CDH23: variants seen among roughly 807,000 people sequenced by gnomAD.
CDH23 encodes the protein cadherin-23.
In CDH23, 189 loss-of-function variants were observed where a neutral mutation model predicts 317.1. The observed-to-expected ratio is 0.60, with a 90% CI of 0.53 to 0.67. CDH23 has a LOEUF of 0.67. Ranked by LOEUF, CDH23 falls within the 30% of genes least tolerant of loss-of-function variation. The probability of loss-of-function intolerance (pLI) is 0.00; values close to 1 mark genes in which losing one functional copy is unlikely to be tolerated. For missense variants in CDH23, 4,401 were observed against 4,592.4 expected (o/e 0.96, Z 1.20); for synonymous variants, 1,839 against 1,876.8 (o/e 0.98, Z 0.52).
intron 38 of CDH23, among the ~76,000 whole-genome samples, chr10:71,757,417 G>C (rs1344118639): frequency 6.6e-6 from 1 of 152,212 alleles, no homozygotes; most frequent in Non-Finnish European, 1.5e-5. Flanking sequence ...CTGGGGCAGA[G>C]GGGCGCAGAG....
intron 44 of CDH23, 50 bp downstream of exon 44, chr10:71,785,788 GGA>G (rs1229858939): frequency 3.5e-6 from 4 of 1,155,952 alleles, no homozygotes; most frequent in East Asian, 2.5e-5. Context: ...AGAGGCGCAT[GGA>G]GAGAGAACAC....
At chr10:71,686,159 G>A (rs1044765559) in intron 18 of CDH23, among the ~76,000 whole-genome samples, 1 of 152,096 alleles carries the variant, frequency 6.6e-6, no homozygotes, top group Admixed American at 6.5e-5. Flanking sequence ...AGAACTAATA[G>A]CGAATGCAGC....
At chr10:71,794,491 A>G (rs997405266) in intron 48 of CDH23, 1 of 152,242 alleles carries the variant, frequency 6.6e-6, no homozygotes, top group Non-Finnish European at 1.5e-5. Context: ...TGATGGTTTT[A>G]TCATTTTCCC....
At position 71,810,490 on chromosome 10, in the gene CDH23, G is replaced by A; in HGVS notation, c.8998G>A (p.Gly3000Ser). Residue 3000 changes from glycine to serine, a missense_variant, in exon 62 of 70, where the codon GGC (glycine) becomes AGC (serine). Gly to Ser is a moderately conservative substitution (Grantham distance 56, BLOSUM62 0). This residue lies in a region of CDH23 where 1,144 missense variants were observed against 1,138.2 expected (regional missense o/e 1.01). Coordinates refer to ENST00000224721, the MANE Select transcript of CDH23 (RefSeq NM_022124.6). ...CATCTAGTTCCATGTGGACAAGAAG[G>A]GCCGGGTGAACTTTGCGCAGACAGA... ...DNVQFHVDKK[G>S]RVNFAQTELL... 6.2e-7 allele frequency: 1 copy of A among 1,614,006 alleles called. No homozygotes were observed. Among genetic ancestry groups the A allele is most frequent in the South Asian group, 1.1e-5 (1 of 91,084 alleles).
At chr10:71,661,389 T>C (rs922120857) in intron 14 of CDH23, among the ~76,000 whole-genome samples, 67 of 152,160 alleles carry the variant, frequency 4.4e-4, no homozygotes, top group Non-Finnish European at 1.8e-4. Context: ...AGTCAGAAGA[T>C]TCAGGTGTTT....
chr10:71,598,397 CA>C, intron 9 of CDH23, among the ~76,000 whole-genome samples: 1 of 152,362 alleles, frequency 6.6e-6, no homozygotes, highest in South Asian at 2.1e-4. Context: ...GCAAACACCC[CA>C]AGTGACGCCA....
intron 9 of CDH23, among the ~76,000 whole-genome samples, chr10:71,608,719 C>T (rs1024911467): frequency 2.0e-4 from 31 of 152,238 alleles, no homozygotes; most frequent in Admixed American, 1.6e-3. Flanking sequence ...AAGCGCACTG[C>T]ACAGGGCAGC....
chr10:71,462,867 C>T (rs1187621925), intron 3 of CDH23, among the ~76,000 whole-genome samples: 1 of 152,342 alleles, frequency 6.6e-6, no homozygotes, highest in East Asian at 1.9e-4. Flanking sequence ...ACTCAATCTT[C>T]AGACACAGGC....
At chr10:71,557,444 G>C (rs911025341) in intron 6 of CDH23, among the ~76,000 whole-genome samples, 2 of 152,108 alleles carry the variant, frequency 1.3e-5, no homozygotes, top group Non-Finnish European at 2.9e-5. Context: ...ATGTGGGGTG[G>C]GCATTGGAGA....
intron 11 of CDH23, among the ~76,000 whole-genome samples, chr10:71,634,398 C>G (rs1008277412): frequency 6.6e-6 from 1 of 152,234 alleles, no homozygotes; most frequent in Admixed American, 6.5e-5. Flanking sequence ...CCAACCCCAG[C>G]CAAAAGTTGG....
At chr10:71,421,643 AT>A (rs1848823112) in intron 1 of CDH23, among the ~76,000 whole-genome samples, 1 of 152,192 alleles carries the variant, frequency 6.6e-6, no homozygotes. Context: ...GCAATTTGTT[AT>A]TTTTAAAAAT....
intron 6 of CDH23, among the ~76,000 whole-genome samples, chr10:71,518,949 G>A (rs570489933): frequency 2.6e-5 from 4 of 152,226 alleles, no homozygotes; most frequent in Non-Finnish European, 5.9e-5. Context: ...GCGTGGCCAA[G>A]GCTGTGGGCG....
rs991671179 is a variant in CDH23, at chr10:71,397,489, C to T, written c.-6+171C>T. Among the ~76,000 whole-genome samples the T allele has an allele frequency of 6.6e-6, 1 of 151,686 alleles. No homozygotes were observed. The highest frequency in any genetic ancestry group is 1.5e-5 in the Non-Finnish European group (1 of 67,858). ...TCGCGGCATCCTTCGGTCCCAGGCC[C>T]CTGGCCCTAGCCTCGCGCCCCGCTC... On this transcript the variant is annotated intron_variant, in intron 1 of 69. Coordinates refer to ENST00000224721, the MANE Select transcript of CDH23 (RefSeq NM_022124.6). This position sits in a 1 kb window ranked among gnomAD's most constrained non-coding sequence, Gnocchi z 4.8.
rs1850170000 is a variant in CDH23, at chr10:71,446,401, T to TG, written c.145+11dup. On this transcript the variant is annotated splice_region_variant and intron_variant, in intron 3 of 69. Coordinates refer to ENST00000224721, the MANE Select transcript of CDH23 (RefSeq NM_022124.6). ...CAGCGAGGACACGCCTGTGGGTGAG[T>TG]GGGGGCATGGGCTGGTGGGCGTGCA... 6.2e-7 allele frequency: 1 copy of TG among 1,613,594 alleles called. No homozygotes were observed. Among genetic ancestry groups the TG allele is most frequent in the Admixed American group, 1.7e-5 (1 of 59,984 alleles).
At chr10:71,484,787 G>C (rs555813295) in intron 3 of CDH23, among the ~76,000 whole-genome samples, 2 of 152,290 alleles carry the variant, frequency 1.3e-5, no homozygotes, top group South Asian at 2.1e-4. Context: ...TTGAGTTAAG[G>C]ATGTTCCCTT....
At chr10:71,674,974 AC>A in intron 14 of CDH23, 137 bp from the exon 15 acceptor site, 1 of 746,220 alleles carries the variant, frequency 1.3e-6, no homozygotes, top group Non-Finnish European at 2.3e-6. Flanking sequence ...GCAGGCTTTC[AC>A]CAGGCCTCAC....
Position 71,815,043 on chromosome 10 carries a change from A to G in CDH23, c.9830A>G (p.Lys3277Arg). The change falls in exon 70 of 70, where the codon AAG becomes AGG. Residue 3277 changes from lysine (K) to arginine (R), a missense_variant. By Grantham distance (26) the Lys-to-Arg change is conservative. Coordinates refer to ENST00000224721, the MANE Select transcript of CDH23 (RefSeq NM_022124.6). The part of the protein sequence containing the change: ...RFRHKPPVEL[K>R]GPDGIHVVHG... ...CGCCACAAGCCACCAGTGGAGCTCA[A>G]GGGGCCCGATGGGATCCATGTGGTG... is the stretch of plus-strand genomic sequence containing the variant. 1 of 1,612,626 alleles carries G rather than the reference A, an allele frequency of 6.2e-7. No individual in the cohort carries two copies. Among genetic ancestry groups the G allele is most frequent in the Non-Finnish European group, 8.5e-7 (1 of 1,179,698 alleles).
chr10:71,763,723 G>A (rs1480479765), intron 38 of CDH23, among the ~76,000 whole-genome samples: 2 of 152,236 alleles, frequency 1.3e-5, no homozygotes, highest in Non-Finnish European at 2.9e-5. Context: ...CACATGAAGT[G>A]TTCTGTAAGT....
intron 18 of CDH23, among the ~76,000 whole-genome samples, chr10:71,686,809 AG>A (rs1864920065): frequency 6.6e-6 from 1 of 152,176 alleles, no homozygotes; most frequent in African/African-American, 2.4e-5. Context: ...AGAGGGAAGC[AG>A]GGAGGAATTC....
Sources: allele counts gnomAD v4.1 joint callset (sites outside exome capture counted in the v4.1 genomes callset), GRCh38; gene constraint gnomAD v4.1.1; regional missense constraint gnomAD v4.1.1; non-coding constraint Gnocchi (gnomAD v3.1); transcripts MANE v1.5; gene names NCBI Gene and HGNC (gene_info 2026-07-23, HGNC 2026-07-21).